Variants in ZNF638 observed in about 807,000 individuals in gnomAD.
ZNF638 encodes the protein zinc finger protein 638.
Under a neutral mutation model 195.6 loss-of-function variants are expected in ZNF638, and 46 were observed. That is an observed-to-expected ratio of 0.24 (90% CI 0.19 to 0.30). The LOEUF (loss-of-function observed/expected upper bound fraction) is 0.30. Among genes scored for constraint, ZNF638 ranks in the 10% least tolerant of loss-of-function variants. The probability of loss-of-function intolerance (pLI) is 1.00; values close to 1 mark genes in which losing one functional copy is unlikely to be tolerated. For synonymous variants in ZNF638, 845 were observed against 772.0 expected, an observed-to-expected ratio of 1.09 and a Z score of -1.57; for missense variants, 2,440 against 2,325.3, an observed-to-expected ratio of 1.05 and a Z score of -1.01.
At chr2:71,375,521 G>C (rs1227001288) in intron 8 of ZNF638, 1 of 152,132 alleles carries the variant, frequency 6.6e-6, no homozygotes, top group Non-Finnish European at 1.5e-5. Context: ...TTTCTGGAAA[G>C]AGTGAGTTCC....
chr2:71,375,117 A>G (rs1258080456), intron 8 of ZNF638: 1 of 152,204 alleles, frequency 6.6e-6, no homozygotes, highest in African/African-American at 2.4e-5. Context: ...TTACTACTAG[A>G]GTAACCTATC....
At chr2:71,358,581 G>A (rs543436939) in intron 3 of ZNF638, among the ~76,000 whole-genome samples, 2 of 152,278 alleles carry the variant, frequency 1.3e-5, no homozygotes, top group Non-Finnish European at 2.9e-5. Flanking sequence ...GGGTTCTTTC[G>A]TTACACAGGT....
chr2:71,401,939 A>T lies in ZNF638; in HGVS notation c.2698-17A>T. On this transcript the variant is annotated splice_polypyrimidine_tract_variant and intron_variant, in intron 15 of 27. Transcript: ENST00000264447. ...CAAAGAAATTTTAATAACAGGTTTT[A>T]AAAATTTGTTTTGAAGGAAACAGAA... 6.5e-7 allele frequency: 1 copy of T among 1,545,748 alleles called. No individual in the cohort carries two copies. The highest frequency in any genetic ancestry group is 8.7e-7 in the Non-Finnish European group (1 of 1,145,764).
Position 71,390,170 on chromosome 2 carries a change from C to T in ZNF638, c.2378-5971C>T, listed in dbSNP as rs567151574. On this transcript the variant is annotated intron_variant, in intron 10 of 27. Coordinates refer to ENST00000264447, the MANE Select transcript of ZNF638 (RefSeq NM_014497.5). ...GCAAGTCCAAATTTGATAAAGATGC[C>T]AACCACCTAAGTAATCAGGTGGGAA... Among the ~76,000 whole-genome samples the T allele has an allele frequency of 3.3e-5, 5 of 152,252 alleles. No individual in the cohort carries two copies. The South Asian group carries it at 1.0e-3, about 32-fold the overall frequency.
Position 71,424,021 on chromosome 2 carries a change from G to A in ZNF638, c.4507G>A (p.Asp1503Asn). The A allele has an allele frequency of 6.2e-7, 1 of 1,613,704 alleles. No homozygotes were observed. Among genetic ancestry groups the A allele is most frequent in the Non-Finnish European group, 8.5e-7 (1 of 1,179,734 alleles). Residue 1503 changes from aspartate (D) to asparagine (N), a missense_variant, in exon 22 of 28, where the codon GAT (aspartate) becomes AAT (asparagine). Coordinates refer to ENST00000264447, the MANE Select transcript of ZNF638 (RefSeq NM_014497.5). ...GGCTAGACCTTCCATCATGAAACGG[G>A]ATGACAGCAACAATAAGGTGAGGAG... Reference protein sequence around the residue: ...TEARPSIMKRDDSNNKTLAEQ... With the variant: ...TEARPSIMKRNDSNNKTLAEQ...
intron 10 of ZNF638, among the ~76,000 whole-genome samples, chr2:71,387,837 T>C (rs750270536): frequency 6.6e-6 from 1 of 152,218 alleles, no homozygotes; most frequent in African/African-American, 2.4e-5. Context: ...TATTAATGCA[T>C]AAGTATTTTG....
Position 71,400,178 on chromosome 2 carries a change from C to A in ZNF638, c.2654C>A (p.Ser885Tyr). The change falls in exon 14 of 28, where the codon TCT becomes TAT. Residue 885 changes from serine (S) to tyrosine (Y), a missense_variant and splice_region_variant. Coordinates refer to ENST00000264447, the MANE Select transcript of ZNF638 (RefSeq NM_014497.5). ...ATENCAKEAI[S>Y]DAALEATENE... ...GAAAACTGTGCTAAAGAAGCTATTT[C>A]TGGTAGGTCAATAGAAATTTTATTT... 6.2e-7 allele frequency: 1 copy of A among 1,602,298 alleles called. No homozygotes were observed. The highest frequency in any genetic ancestry group is 1.1e-5 in the South Asian group (1 of 88,314).
Position 71,363,940 on chromosome 2 carries a change from C to G in ZNF638, c.1419-14C>G, listed in dbSNP as rs776040505. On this transcript the variant is annotated splice_polypyrimidine_tract_variant and intron_variant, in intron 4 of 27. Transcript: ENST00000264447. ...AATTGCTGATCACTTTCTTTTCCGC[C>G]CCCCTGCTTGTAGAAATGAGGGCAA... The G allele has an allele frequency of 1.3e-6, 2 of 1,592,736 alleles. No homozygotes were observed. The highest frequency in any genetic ancestry group is 8.5e-7 in the Non-Finnish European group (1 of 1,170,140).
At chr2:71,376,932 T>C (rs2079439237) in intron 8 of ZNF638, among the ~76,000 whole-genome samples, 2 of 152,156 alleles carry the variant, frequency 1.3e-5, no homozygotes, top group South Asian at 4.1e-4. Flanking sequence ...AAACATTCTT[T>C]TTTTCCCAGG....
chr2:71,354,685 C>T (rs1351341142), intron 2 of ZNF638, among the ~76,000 whole-genome samples: 5 of 150,504 alleles, frequency 3.3e-5, no homozygotes, highest in African/African-American at 9.8e-5. Context: ...TGCAGTGATC[C>T]GAGATCGCCT....
In ZNF638 at chr2:71,393,837, C is replaced by T. The variant is rs553644808; in HGVS notation, c.2378-2304C>T. ...GGGATTGACTTATCCCAGTAGGGTC[C>T]GTTATTAATGGCACACATTGGACTA... On this transcript the variant is annotated intron_variant, in intron 10 of 27. Coordinates refer to ENST00000264447, the MANE Select transcript of ZNF638 (RefSeq NM_014497.5). Among the ~76,000 whole-genome samples, 13 of 152,144 alleles carry T rather than the reference C, an allele frequency of 8.5e-5. No homozygotes were observed. In the South Asian group the frequency reaches 1.9e-3, roughly 22 times the overall value.
At position 71,381,597 on chromosome 2, in the gene ZNF638, A is replaced by C. The variant is rs185578330; in HGVS notation, c.2377+1032A>C. ...AAGGCCTTGAAGGGTCATGCTGAGA[A>C]GTTTTCAAATTTGACCCCATTAGTA... On this transcript the variant is annotated intron_variant, in intron 10 of 27. Transcript: ENST00000264447. 7.2e-5 allele frequency among the ~76,000 whole-genome samples: 11 copies of C among 152,262 alleles called. No individual in the cohort carries two copies. In the East Asian group the frequency reaches 1.9e-3, roughly 27 times the overall value.
intron 20 of ZNF638, chr2:71,408,509 G>T: frequency 2.7e-6 from 1 of 371,992 alleles, no homozygotes. Context: ...TGTGTATAGT[G>T]ACTCTTTGTA....
chr2:71,404,217 G>A (rs750861680), intron 17 of ZNF638, among the ~76,000 whole-genome samples: 1 of 151,994 alleles, frequency 6.6e-6, no homozygotes, highest in African/African-American at 2.4e-5. Context: ...ATGTTGGGAT[G>A]GAAAAAAGGT....
At chr2:71,373,302 AT>A (rs1553473281) in intron 8 of ZNF638, among the ~76,000 whole-genome samples, 1 of 144,972 alleles carries the variant, frequency 6.9e-6, no homozygotes, top group South Asian at 2.2e-4. Flanking sequence ...CTATTTTATT[AT>A]TGTTGTCTTT....
At position 71,380,494 on chromosome 2, in the gene ZNF638, T is replaced by G; in HGVS notation, c.2325-19T>G. On this transcript the variant is annotated intron_variant, in intron 9 of 27. Transcript: ENST00000264447. ...TAGAATTCCTAAGTTGCTGCTAAAT[T>G]TTTTCTCCTTTTAAATAGAAGAGAT... 1 of 1,579,192 alleles carries G rather than the reference T, an allele frequency of 6.3e-7. No individual in the cohort carries two copies. The highest frequency in any genetic ancestry group is 8.6e-7 in the Non-Finnish European group (1 of 1,167,348).
chr2:71,357,118 A>T (rs918356453), intron 3 of ZNF638, among the ~76,000 whole-genome samples: 3 of 152,124 alleles, frequency 2.0e-5, no homozygotes. Context: ...AGGTTCTGAG[A>T]ATATATGCCT....
At chr2:71,396,284 C>A in intron 11 of ZNF638, 93 bp downstream of exon 11, 1 of 1,022,560 alleles carries the variant, frequency 9.8e-7, no homozygotes, top group Non-Finnish European at 1.5e-6. Flanking sequence ...TTTCACATGA[C>A]ATAGTCTGTA....
intron 20 of ZNF638, among the ~76,000 whole-genome samples, chr2:71,411,196 C>T (rs566685135): frequency 1.6e-3 from 248 of 150,978 alleles, no homozygotes; most frequent in Non-Finnish European, 2.5e-3. Flanking sequence ...AATGGGGTTT[C>T]ACCATGCTGG....
Sources: allele counts gnomAD v4.1 joint callset (sites outside exome capture counted in the v4.1 genomes callset), GRCh38; gene constraint gnomAD v4.1.1; transcripts MANE v1.5; gene names NCBI Gene and HGNC (gene_info 2026-07-23, HGNC 2026-07-21).